GGA2: variants seen among roughly 807,000 people sequenced by gnomAD.
GGA2 encodes the protein golgi associated, gamma adaptin ear containing, ARF binding protein 2, also known as ADP-ribosylation factor-binding protein GGA2.
In GGA2, 48 loss-of-function variants were observed where a neutral mutation model predicts 79.5. The ratio of observed to expected loss-of-function variants is 0.60; its 90% confidence interval spans 0.48 to 0.77. The LOEUF is 0.77. Among genes scored for constraint, GGA2 ranks in the 30% least tolerant of loss-of-function variants. The pLI, the probability that GGA2 is intolerant of heterozygous loss-of-function variation, is 0.00. For synonymous variants in GGA2, 317 were observed against 302.0 expected, an observed-to-expected ratio of 1.05 and a Z score of -0.51; for missense variants, 770 against 774.0, an observed-to-expected ratio of 0.99 and a Z score of 0.06.
intron 13 of GGA2, among the ~76,000 whole-genome samples, chr16:23,477,930 A>G (rs1305666115): frequency 6.6e-6 from 1 of 152,166 alleles, no homozygotes; most frequent in East Asian, 1.9e-4. Context: ...CACCTGGCCT[A>G]AACTTTCAAT....
intron 2 of GGA2, chr16:23,519,507 C>G: frequency 3.2e-6 from 1 of 312,396 alleles, no homozygotes; most frequent in Non-Finnish European, 6.7e-6. Flanking sequence ...CAGGCTAGGC[C>G]AATCAGATTC....
At chr16:23,472,944 A>G (rs1440932857) in intron 14 of GGA2, among the ~76,000 whole-genome samples, 3 of 150,026 alleles carry the variant, frequency 2.0e-5, no homozygotes, top group Non-Finnish European at 4.4e-5. Flanking sequence ...GAGGCAAGAG[A>G]ATGGTGTGAA....
In GGA2 at chr16:23,480,631, G is replaced by A; in HGVS notation, c.1006+14C>T. 1 of 1,602,220 alleles carries A rather than the reference G, an allele frequency of 6.2e-7. No individual in the cohort carries two copies. Among genetic ancestry groups the A allele is most frequent in the Non-Finnish European group, 8.5e-7 (1 of 1,170,286 alleles). On this transcript the variant is annotated intron_variant, in intron 10 of 16. Transcript: ENST00000309859. ...CCCAAGGCAGAGAAGGCAAGGAGAA[G>A]CTTTCAAACATACCTCTGGAGACAG...
chr16:23,477,883 C>G (rs1964594687), intron 13 of GGA2, among the ~76,000 whole-genome samples: 1 of 152,086 alleles, frequency 6.6e-6, no homozygotes, highest in South Asian at 2.1e-4. Context: ...ATGTCTTTAT[C>G]AGCAGTGTGA....
At chr16:23,513,427 C>T (rs1351775674), upstream of GGA2, among the ~76,000 whole-genome samples, 1 of 152,038 alleles carries the variant, frequency 6.6e-6, no homozygotes, top group East Asian at 1.9e-4. Context: ...TCCCCTAAAG[C>T]CAGCCACAAA....
chr16:23,494,348 G>T lies in GGA2; in HGVS notation c.207C>A (p.His69Gln). ...CCTTCTCTTGCGGAGACTGGATCTT[G>T]TGGGCCAGTAGCCAGGGCGCATGTG... is the stretch of plus-strand genomic sequence containing the variant. The part of the protein sequence containing the change: ...GPTHAPWLLA[H>Q]KIQSPQEKEA... The change falls in exon 3 of 17, where the codon CAC becomes CAA. Residue 69 changes from histidine (H) to glutamine (Q), a missense_variant. Coordinates refer to ENST00000309859, the MANE Select transcript of GGA2 (RefSeq NM_015044.4). The T allele has an allele frequency of 6.2e-7, 1 of 1,612,924 alleles. No homozygotes were observed. Among genetic ancestry groups the T allele is most frequent in the Non-Finnish European group, 8.5e-7 (1 of 1,178,844 alleles).
intron 2 of GGA2, 152 bp downstream of exon 2, chr16:23,495,542 C>T: frequency 2.3e-6 from 1 of 438,386 alleles, no homozygotes; most frequent in East Asian, 3.3e-5. Context: ...AGCAATCCTC[C>T]TGCCTTGGTC....
exon 1 of GGA2, chr16:23,521,927 C>T (rs1302965621): frequency 6.9e-6 from 3 of 435,234 alleles, no homozygotes; most frequent in East Asian, 1.4e-4. Context: ...TTGGTTTTGC[C>T]TCGTACTATA....
At chr16:23,493,819 A>C (rs1964820837) in intron 3 of GGA2, 1 of 303,254 alleles carries the variant, frequency 3.3e-6, no homozygotes, top group African/African-American at 2.2e-5. Context: ...GCCGGATGTC[A>C]CCCACTGGCA....
chr16:23,478,928 G>T lies in GGA2; in HGVS notation c.1130-17C>A. On this transcript the variant is annotated splice_polypyrimidine_tract_variant and intron_variant, in intron 11 of 16. Coordinates refer to ENST00000309859, the MANE Select transcript of GGA2 (RefSeq NM_015044.4). ...CACTGATTCCTGTAAGAAAGGAGTA[G>T]AGTGAGATGCCTAACAGTAACTCCA... 6.3e-7 allele frequency: 1 copy of T among 1,576,692 alleles called. No individual in the cohort carries two copies. The highest frequency in any genetic ancestry group is 8.7e-7 in the Non-Finnish European group (1 of 1,146,154).
intron 9 of GGA2, 76 bp downstream of exon 9, chr16:23,482,847 C>A (rs1964664459): frequency 1.1e-6 from 1 of 893,318 alleles, no homozygotes; most frequent in Non-Finnish European, 1.9e-6. Flanking sequence ...TTGTTCCTGG[C>A]ACAGCAGTGT....
intron 1 of GGA2, among the ~76,000 whole-genome samples, chr16:23,503,578 C>G (rs989014996): frequency 6.6e-6 from 1 of 152,132 alleles, no homozygotes; most frequent in African/African-American, 2.4e-5. Flanking sequence ...AATGTACTTA[C>G]GATGAGTTTA....
Position 23,486,159 on chromosome 16 carries a change from G to A in GGA2, c.661-7C>T, listed in dbSNP as rs1442501373. Reference sequence around the variant, plus strand: ...TCTCCGATTTTTCTTGTTCCTTTTGGGAAAAAGAGGAGGATGGGAGTGAGG... The same window carrying A: ...TCTCCGATTTTTCTTGTTCCTTTTGAGAAAAAGAGGAGGATGGGAGTGAGG... On this transcript the variant is annotated splice_region_variant and splice_polypyrimidine_tract_variant and intron_variant, in intron 7 of 16. Coordinates refer to ENST00000309859, the MANE Select transcript of GGA2 (RefSeq NM_015044.4). 1.2e-6 allele frequency: 2 copies of A among 1,612,874 alleles called. No individual in the cohort carries two copies. Among genetic ancestry groups the A allele is most frequent in the Non-Finnish European group, 1.7e-6 (2 of 1,179,378 alleles).
intron 1 of GGA2, 64 bp from the exon 2 acceptor site, chr16:23,495,842 C>T (rs1311061781): frequency 9.1e-6 from 9 of 984,306 alleles, no homozygotes; most frequent in Admixed American, 8.1e-5. Context: ...CCTCCCCATA[C>T]ACATGGTGGC....
At chr16:23,487,920 G>A (rs1319057428) in intron 6 of GGA2, among the ~76,000 whole-genome samples, 2 of 152,062 alleles carry the variant, frequency 1.3e-5, no homozygotes, top group Non-Finnish European at 2.9e-5. Context: ...TAGACCTTGT[G>A]ACTGACCAAG....
intron 2 of GGA2, 149 bp from the exon 3 acceptor site, chr16:23,494,527 G>GCCCTGGAGAGGGCCACCTCGCA: frequency 1.5e-6 from 1 of 653,398 alleles, no homozygotes; most frequent in Non-Finnish European, 2.7e-6. Context: ...CCACGCGGGG[G>GCCCTGGAGAGGGCCACCTCGCA]CCCTGGAGAG....
At chr16:23,483,392 G>A (rs184547095) in intron 8 of GGA2, among the ~76,000 whole-genome samples, 19 of 152,268 alleles carry the variant, frequency 1.2e-4, no homozygotes, top group African/African-American at 4.1e-4. Context: ...TACTCGGGAG[G>A]CTTTCTCTTA....
Position 23,507,638 on chromosome 16 carries a change from T to A in GGA2, c.91+2683A>T, listed in dbSNP as rs541136754. 3.0e-3 allele frequency among the ~76,000 whole-genome samples: 401 copies of A among 135,692 alleles called. 1 individual carries two copies. Among genetic ancestry groups the A allele is most frequent in the African/African-American group, 7.8e-3 (275 of 35,326 alleles). The allele number at this position is 135,692 out of a possible 152,430, so 89.0% of individuals were successfully genotyped here. A position where few individuals can be genotyped will look rare whatever the true frequency, so the allele number is the denominator to read the frequency against. On this transcript the variant is annotated intron_variant, in intron 1 of 16. Transcript: ENST00000309859. ...GAAACTCCATCTCTCTCTCTCTCTC[T>A]CACACACACAAATTAGCCGGTTGTG...
chr16:23,497,558 AGGGAAGG>A (rs1216809029), intron 1 of GGA2, among the ~76,000 whole-genome samples: 2 of 152,158 alleles, frequency 1.3e-5, no homozygotes, highest in Non-Finnish European at 2.9e-5. Flanking sequence ...CACAAGGGCG[AGGGAAGG>A]ATCAGTGATT....
Sources: gnomAD v4.1 joint callset for allele counts (sites outside exome capture counted in the v4.1 genomes callset) on GRCh38, gnomAD v4.1.1 for gene constraint, MANE v1.5 for transcripts, NCBI Gene and HGNC (gene_info 2026-07-23, HGNC 2026-07-21) for gene names.